COPS2: variants seen among roughly 807,000 people sequenced by gnomAD.
COPS2 encodes the protein COP9 signalosome subunit 2, also known as COP9 signalosome complex subunit 2.
In COPS2, 10 loss-of-function variants were observed where a neutral mutation model predicts 66.1. The ratio of observed to expected loss-of-function variants is 0.15; its 90% CI spans 0.09 to 0.26. The LOEUF (loss-of-function observed/expected upper bound fraction) is 0.26. Among genes scored for constraint, COPS2 ranks in the 10% least tolerant of loss-of-function variants. The probability of loss-of-function intolerance (pLI) is 1.00; values close to 1 mark genes in which losing one functional copy is unlikely to be tolerated. For synonymous variants in COPS2, 179 were observed against 171.3 expected (o/e 1.04, Z -0.35); for missense variants, 215 against 513.3 (o/e 0.42, Z 5.62).
At chr15:49,133,504 T>TTCTTTCAGTGAAAGACAC (rs1395253049) in intron 9 of COPS2, among the ~76,000 whole-genome samples, 4 of 152,170 alleles carry the variant, frequency 2.6e-5, no homozygotes, top group African/African-American at 9.7e-5. Context: ...AAGACACAGG[T>TTCTTTCAGTGAAAGACAC]GCATTCGTGC....
At chr15:49,138,711 AAAAAATGACATCTAGTAG>A (rs1296473719) in intron 4 of COPS2, among the ~76,000 whole-genome samples, 1 of 152,200 alleles carries the variant, frequency 6.6e-6, no homozygotes, top group Non-Finnish European at 1.5e-5. Context: ...AACTGCCTGA[AAAAAATGACATCTAGTAG>A]AAAAGACATT....
chr15:49,129,126 T>C (rs2141121909), intron 11 of COPS2, among the ~76,000 whole-genome samples: 1 of 152,232 alleles, frequency 6.6e-6, no homozygotes, highest in Non-Finnish European at 1.5e-5. Flanking sequence ...TTCTGTTAAC[T>C]CAATTTATGC....
chr15:49,129,597 A>C, intron 10 of COPS2, 38 bp from the exon 11 acceptor site: 1 of 1,056,128 alleles, frequency 9.5e-7, no homozygotes, highest in Non-Finnish European at 1.3e-6. Context: ...TTTATTTAAC[A>C]GTTTGTATGA....
At position 49,124,480 on chromosome 15, in the gene COPS2, C is replaced by T. The variant is rs1363409336; in HGVS notation, c.*3470G>A. 2 of 151,766 alleles carry T rather than the reference C, an allele frequency of 1.3e-5. No homozygotes were observed. The highest frequency in any genetic ancestry group is 6.6e-5 in the Admixed American group (1 of 15,246). 9.4% of individuals were successfully genotyped at this position (151,766 alleles called of 1,614,324 possible). A position where few individuals can be genotyped will look rare whatever the true frequency, so the allele number is the denominator to read the frequency against. On this transcript the variant is annotated 3_prime_UTR_variant, in exon 13 of 13. Coordinates refer to ENST00000388901, the MANE Select transcript of COPS2 (RefSeq NM_004236.4). ...TAAAACAATGAAAACTAAAAGAAAA[C>T]CTCCAGAAAAAGAAAAAAAGAGGAA... is the stretch of plus-strand genomic sequence containing the variant.
In COPS2 at chr15:49,124,035, C is replaced by T. The variant is rs189357979; in HGVS notation, c.*3915G>A. The stretch of plus-strand genomic sequence containing the variant: ...TTAATAATCTCGAGTTAAAGAGAAC[C>T]TCCAATTTGTCTTCGTTACGAAATT... On this transcript the variant is annotated 3_prime_UTR_variant, in exon 13 of 13. Coordinates refer to ENST00000388901, the MANE Select transcript of COPS2 (RefSeq NM_004236.4). The T allele has an allele frequency of 6.6e-6, 1 of 152,304 alleles. No individual in the cohort carries two copies. Among genetic ancestry groups the T allele is most frequent in the Admixed American group, 6.5e-5 (1 of 15,302 alleles). The allele number at this position is 152,304 out of a possible 1,614,324, so 9.4% of individuals were successfully genotyped here. A position where few individuals can be genotyped will look rare whatever the true frequency, so the allele number is the denominator to read the frequency against.
At chr15:49,149,526 T>A (rs1433735130) in intron 1 of COPS2, among the ~76,000 whole-genome samples, 2 of 152,210 alleles carry the variant, frequency 1.3e-5, no homozygotes, top group African/African-American at 4.8e-5. Context: ...GGAACTTTCT[T>A]ATTCATCTGT....
chr15:49,155,537 C>T lies in COPS2; in HGVS notation c.42G>A (p.Glu14=), dbSNP rs753683808. 15 of 1,614,060 alleles carry T rather than the reference C, an allele frequency of 9.3e-6. No homozygotes were observed. In the South Asian group the frequency reaches 1.3e-4, roughly 14 times the overall value. ...MEDDFMCDDE[E]DYDLEYSEDS... ...CCCTGCGCCTCACCAGGTCGTAGTC[C>T]TCCTCATCATCGCACATGAAATCAT... Residue 14 remains glutamate, a synonymous_variant, in exon 1 of 13, where the codon GAG becomes GAA. Transcript: ENST00000388901.
Position 49,126,247 on chromosome 15 carries a change from C to A in COPS2, c.*1703G>T, listed in dbSNP as rs1232681741. 7 of 152,424 alleles carry A rather than the reference C, an allele frequency of 4.6e-5. No individual in the cohort carries two copies. The highest frequency in any genetic ancestry group is 4.6e-4 in the Admixed American group (7 of 15,258). 9.4% of individuals were successfully genotyped at this position (152,424 alleles called of 1,614,324 possible). On this transcript the variant is annotated 3_prime_UTR_variant, in exon 13 of 13. Coordinates refer to ENST00000388901, the MANE Select transcript of COPS2 (RefSeq NM_004236.4). The stretch of plus-strand genomic sequence containing the variant: ...TCTTTTGTTTTCTTTCCGTTTTCTA[C>A]AATTTCCAACTTGTACCTGTGTTTA...
chr15:49,145,589 T>C (rs979879126), intron 1 of COPS2, among the ~76,000 whole-genome samples: 2 of 152,158 alleles, frequency 1.3e-5, no homozygotes, highest in South Asian at 4.1e-4. Flanking sequence ...TATAATTATG[T>C]TAATAAGAAT....
chr15:49,133,209 T>G (rs373237349), intron 9 of COPS2, among the ~76,000 whole-genome samples: 2 of 152,100 alleles, frequency 1.3e-5, no homozygotes, highest in African/African-American at 4.8e-5. Flanking sequence ...AGGATGGTCT[T>G]GATCTCCTGA....
intron 4 of COPS2, chr15:49,139,185 T>C: frequency 5.9e-6 from 1 of 169,520 alleles, no homozygotes; most frequent in South Asian, 1.5e-4. Context: ...TGTGATTCAG[T>C]GTATTTAACA....
rs1374496333 is a variant in COPS2 at position 49,153,590 on chromosome 15, C to T, written c.54+1935G>A. ...GGTCTATTAAAGGAATACCTGCACT[C>T]CATGTTCATTGCAGCATTATTCATA... On this transcript the variant is annotated intron_variant, in intron 1 of 12. Transcript: ENST00000388901. Among the ~76,000 whole-genome samples the T allele has an allele frequency of 2.0e-5, 3 of 152,156 alleles. No homozygotes were observed. In the East Asian group the frequency reaches 5.8e-4, roughly 29 times the overall value.
chr15:49,134,228 C>A (rs1389543699), intron 7 of COPS2, 112 bp downstream of exon 7: 6 of 1,398,116 alleles, frequency 4.3e-6, no homozygotes, highest in Non-Finnish European at 5.8e-6. Context: ...AATTCTGTAA[C>A]TTGAATACTA....
At chr15:49,146,446 G>C (rs932924876) in intron 1 of COPS2, among the ~76,000 whole-genome samples, 3 of 152,104 alleles carry the variant, frequency 2.0e-5, no homozygotes, top group Non-Finnish European at 4.4e-5. Context: ...GAATGAATAA[G>C]CCAACCATAC....
At position 49,126,917 on chromosome 15, in the gene COPS2, A is replaced by C. The variant is rs961690870; in HGVS notation, c.*1033T>G. 24 of 152,168 alleles carry C rather than the reference A, an allele frequency of 1.6e-4. No individual in the cohort carries two copies. Among genetic ancestry groups the C allele is most frequent in the Non-Finnish European group, 2.6e-4 (18 of 67,998 alleles). 9.4% of individuals were successfully genotyped at this position (152,168 alleles called of 1,614,324 possible). A position where few individuals can be genotyped will look rare whatever the true frequency, so the allele number is the denominator to read the frequency against. On this transcript the variant is annotated 3_prime_UTR_variant, in exon 13 of 13. Transcript: ENST00000388901. ...TAGTGTGTGTGACAAATTAACTTTG[A>C]ATGCAATTCTAAAAGAGTAAACTCA...
chr15:49,155,441 C>T (rs2084419676), intron 1 of COPS2, 84 bp downstream of exon 1: 3 of 1,286,168 alleles, frequency 2.3e-6, no homozygotes, highest in African/African-American at 1.5e-5. Flanking sequence ...ACATGCTCTA[C>T]GGGGAGAGGC....
Position 49,138,646 on chromosome 15 carries a change from T to C in COPS2, c.372+882A>G, listed in dbSNP as rs560408031. On this transcript the variant is annotated intron_variant, in intron 4 of 12. Transcript: ENST00000388901. ...TAAGTGTTAATATTCTAACAAAACA[T>C]GTAAGTTTACCTTCCTCTATTGGCA... 5.9e-5 allele frequency among the ~76,000 whole-genome samples: 9 copies of C among 152,282 alleles called. No individual in the cohort carries two copies. The South Asian group carries it at 1.9e-3, about 32-fold the overall frequency.
intron 4 of COPS2, among the ~76,000 whole-genome samples, chr15:49,138,482 C>T (rs1223670084): frequency 6.6e-6 from 1 of 152,300 alleles, no homozygotes; most frequent in East Asian, 1.9e-4. Context: ...TTCCCTCTCC[C>T]TGCTCCAATT....
chr15:49,141,750 TAACTTATTCACAG>T (rs1267217762), intron 3 of COPS2, among the ~76,000 whole-genome samples: 11 of 152,232 alleles, frequency 7.2e-5, no homozygotes, highest in African/African-American at 2.6e-4. Context: ...TTGTGAACCA[TAACTTATTCACAG>T]ATGCTGCTAC....
Sources: allele counts gnomAD v4.1 joint callset (sites outside exome capture counted in the v4.1 genomes callset), GRCh38; gene constraint gnomAD v4.1.1; transcripts MANE v1.5; gene names NCBI Gene and HGNC (gene_info 2026-07-23, HGNC 2026-07-21).